Variants in TMEM132D observed in about 807,000 individuals in gnomAD.
The protein encoded by TMEM132D is transmembrane protein 132D.
A neutral mutation model predicts 62.3 loss-of-function variants in TMEM132D; 21 were observed. The ratio of observed to expected loss-of-function variants is 0.34; its 90% CI spans 0.24 to 0.49. TMEM132D has a LOEUF of 0.49. TMEM132D is among the 20% of genes least tolerant of loss of function. The probability of loss-of-function intolerance (pLI) is 0.99; values close to 1 mark genes in which losing one functional copy is unlikely to be tolerated. For missense variants in TMEM132D, 1,346 were observed against 1,402.8 expected, an observed-to-expected ratio of 0.96 and a Z score of 0.65; for synonymous variants, 621 against 575.6, an observed-to-expected ratio of 1.08 and a Z score of -1.13.
rs200165436 is a variant in TMEM132D, at chr12:129,700,687, G to C, written c.91C>G (p.Arg31Gly). 1.2e-6 allele frequency: 2 copies of C among 1,608,522 alleles called. No individual in the cohort carries two copies. The highest frequency in any genetic ancestry group is 3.3e-5 in the Admixed American group (2 of 59,764). Residue 31 changes from arginine to glycine, a missense_variant, in exon 2 of 9, where the codon CGA (arginine) becomes GGA (glycine). By Grantham distance (125) the Arg-to-Gly change is moderately radical. Coordinates refer to ENST00000422113, the MANE Select transcript of TMEM132D (RefSeq NM_133448.3). Reference sequence around the variant, plus strand: ...CTCTGGATGCTCTCAAGGATCCCTCGACCTTCCGTCACTGTGGGGAGGGAA... The same window carrying C: ...CTCTGGATGCTCTCAAGGATCCCTCCACCTTCCGTCACTGTGGGGAGGGAA... ...AALFSKVTEG[R>G]GILESIQRFS...
At chr12:129,793,664 C>A (rs1242228440) in intron 1 of TMEM132D, among the ~76,000 whole-genome samples, 1 of 152,218 alleles carries the variant, frequency 6.6e-6, no homozygotes, top group African/African-American at 2.4e-5. Flanking sequence ...TCACACCTAG[C>A]CAGGATAGGA....
At chr12:129,825,231 T>C (rs2137328579) in intron 1 of TMEM132D, among the ~76,000 whole-genome samples, 1 of 151,974 alleles carries the variant, frequency 6.6e-6, no homozygotes, top group African/African-American at 2.4e-5. Context: ...TTGGCCAGGC[T>C]GGTCTTGAAC....
chr12:129,622,835 T>C (rs949218319), intron 2 of TMEM132D, among the ~76,000 whole-genome samples: 3 of 152,300 alleles, frequency 2.0e-5, no homozygotes, highest in Admixed American at 6.5e-5. Flanking sequence ...CCATGGTGAT[T>C]GGTTCATACA....
chr12:129,786,125 CTA>C (rs1350541700), intron 1 of TMEM132D, among the ~76,000 whole-genome samples: 6 of 152,124 alleles, frequency 3.9e-5, no homozygotes, highest in Non-Finnish European at 5.9e-5. Flanking sequence ...CAGGCCTGGG[CTA>C]TGTCCACCAC....
intron 2 of TMEM132D, among the ~76,000 whole-genome samples, chr12:129,533,258 C>T (rs2137091015): frequency 6.6e-6 from 1 of 152,318 alleles, no homozygotes; most frequent in Non-Finnish European, 1.5e-5. Flanking sequence ...GAATCGCATG[C>T]AGACGCCAAA....
intron 1 of TMEM132D, among the ~76,000 whole-genome samples, chr12:129,743,764 G>A (rs976386656): frequency 7.9e-5 from 12 of 152,272 alleles, no homozygotes; most frequent in East Asian, 5.8e-4. Context: ...TCAAATCACC[G>A]AGGCCCCTAC....
At chr12:129,648,763 A>G (rs1013891334) in intron 2 of TMEM132D, among the ~76,000 whole-genome samples, 3 of 152,262 alleles carry the variant, frequency 2.0e-5, no homozygotes, top group Non-Finnish European at 4.4e-5. Flanking sequence ...TCAATGAATA[A>G]TGCATCAAAT....
At chr12:129,264,166 A>C (rs1880625590) in intron 4 of TMEM132D, among the ~76,000 whole-genome samples, 1 of 152,176 alleles carries the variant, frequency 6.6e-6, no homozygotes, top group Non-Finnish European at 1.5e-5. Context: ...AGGCAGGTGG[A>C]TCGCTTGAGG....
chr12:129,734,550 C>T lies in TMEM132D; in HGVS notation c.80-33852G>A, dbSNP rs950582147. The stretch of plus-strand genomic sequence containing the variant: ...TTAGATTACTCATTGCTTCGAGTAA[C>T]GCAATACTTTATCAAATCCATAAGC... On this transcript the variant is annotated intron_variant, in intron 1 of 8. Coordinates refer to ENST00000422113, the MANE Select transcript of TMEM132D (RefSeq NM_133448.3). 9.9e-5 allele frequency among the ~76,000 whole-genome samples: 15 copies of T among 152,214 alleles called. No individual in the cohort carries two copies. The East Asian group carries it at 1.2e-3, about 12-fold the overall frequency.
chr12:129,102,524 ACAC>A (rs1487611644), intron 5 of TMEM132D, among the ~76,000 whole-genome samples: 3 of 150,956 alleles, frequency 2.0e-5, no homozygotes, highest in African/African-American at 7.3e-5. Context: ...ACACGCACAC[ACAC>A]AACACACACA....
chr12:129,533,968 T>C (rs376137337), intron 2 of TMEM132D, among the ~76,000 whole-genome samples: 8 of 152,222 alleles, frequency 5.3e-5, no homozygotes, highest in African/African-American at 1.9e-4. Context: ...GACACGGTAT[T>C]TACTGAACAC....
At chr12:129,226,176 C>A (rs1466841874) in intron 4 of TMEM132D, among the ~76,000 whole-genome samples, 1 of 152,230 alleles carries the variant, frequency 6.6e-6, no homozygotes, top group Non-Finnish European at 1.5e-5. Flanking sequence ...GACCAGTGAA[C>A]TCTCAGTGAA....
intron 5 of TMEM132D, among the ~76,000 whole-genome samples, chr12:129,148,784 T>C (rs1876986341): frequency 6.6e-6 from 1 of 152,080 alleles, no homozygotes; most frequent in South Asian, 2.1e-4. Flanking sequence ...GCTGGTAAGG[T>C]GACAGAGGCT....
chr12:129,263,867 G>A (rs555111213), intron 4 of TMEM132D, among the ~76,000 whole-genome samples: 4 of 152,284 alleles, frequency 2.6e-5, no homozygotes, highest in Admixed American at 6.5e-5. Context: ...ATTCAGTACT[G>A]TGTGAGCTGC....
intron 1 of TMEM132D, among the ~76,000 whole-genome samples, chr12:129,751,184 C>T (rs1452475466): frequency 1.3e-5 from 2 of 152,162 alleles, no homozygotes; most frequent in Admixed American, 6.5e-5. Context: ...AATTGGCTCA[C>T]AGTTCCTCAG....
chr12:129,817,059 GA>G (rs1189873043), intron 1 of TMEM132D, among the ~76,000 whole-genome samples: 2 of 152,194 alleles, frequency 1.3e-5, no homozygotes, highest in Non-Finnish European at 2.9e-5. Flanking sequence ...TGGGTTCTAT[GA>G]AAAATTGTTT....
At chr12:129,744,320 T>C (rs182852145) in intron 1 of TMEM132D, among the ~76,000 whole-genome samples, 1 of 152,326 alleles carries the variant, frequency 6.6e-6, no homozygotes, top group East Asian at 1.9e-4. Flanking sequence ...CTCAACTCTG[T>C]ACCAAAGGTA....
chr12:129,130,757 T>C (rs12825239), intron 5 of TMEM132D, among the ~76,000 whole-genome samples: 49,624 of 151,912 alleles, frequency 0.33, 8,909 homozygotes, highest in Non-Finnish European at 0.4. Context: ...AGAGAAGAAT[T>C]AGCACGTCTA....
intron 2 of TMEM132D, among the ~76,000 whole-genome samples, chr12:129,696,939 T>C (rs985939587): frequency 5.3e-5 from 8 of 152,178 alleles, no homozygotes; most frequent in African/African-American, 1.9e-4. Flanking sequence ...GGTTGTAAGA[T>C]GACAAAAAGC....
Sources: allele counts gnomAD v4.1 joint callset (sites outside exome capture counted in the v4.1 genomes callset), GRCh38; gene constraint gnomAD v4.1.1; transcripts MANE v1.5; gene names NCBI Gene and HGNC (gene_info 2026-07-23, HGNC 2026-07-21).